CHRM3: variants seen among roughly 807,000 people sequenced by gnomAD.
CHRM3 encodes the protein muscarinic acetylcholine receptor M3.
In CHRM3, 11 loss-of-function variants were observed where a neutral mutation model predicts 41.8. The observed-to-expected ratio is 0.26, with a 90% CI of 0.17 to 0.44. The LOEUF (loss-of-function observed/expected upper bound fraction) is 0.44, where lower values mean the gene tolerates loss of function less well. Ranked by LOEUF, CHRM3 falls within the 20% of genes least tolerant of loss-of-function variation. The probability of loss-of-function intolerance (pLI) is 1.00; values close to 1 mark genes in which losing one functional copy is unlikely to be tolerated. For missense variants in CHRM3, 571 were observed against 745.4 expected, an observed-to-expected ratio of 0.77 and a Z score of 2.72; for synonymous variants, 297 against 301.4, an observed-to-expected ratio of 0.99 and a Z score of 0.15.
At chr1:239,534,386 A>G (rs1372012504) in intron 2 of CHRM3, among the ~76,000 whole-genome samples, 1 of 152,224 alleles carries the variant, frequency 6.6e-6, no homozygotes, top group African/African-American at 2.4e-5. Context: ...TTTAATTTTC[A>G]AAGCGTATTC....
At chr1:239,455,677 T>A (rs1664879557) in intron 1 of CHRM3, among the ~76,000 whole-genome samples, 2 of 152,220 alleles carry the variant, frequency 1.3e-5, no homozygotes, top group Non-Finnish European at 2.9e-5. Flanking sequence ...TTGTATCATG[T>A]GTTTGTGTTT....
Position 239,583,025 on chromosome 1 carries a change from C to T in CHRM3, c.-313+37276C>T, listed in dbSNP as rs139517603. On this transcript the variant is annotated intron_variant, in intron 3 of 6. Coordinates refer to ENST00000676153, the MANE Select transcript of CHRM3 (RefSeq NM_001375978.1). ...TGTGAGTGCTCACTCATACCTGTGCCTTCAATGCCAGCCACCATCTTCCTT... is the reference window on the plus strand; with the variant it reads ...TGTGAGTGCTCACTCATACCTGTGCTTTCAATGCCAGCCACCATCTTCCTT... 1.7e-4 allele frequency among the ~76,000 whole-genome samples: 26 copies of T among 152,288 alleles called. No individual in the cohort carries two copies. In the East Asian group the frequency reaches 5.0e-3, roughly 29 times the overall value.
At chr1:239,800,128 T>C (rs1172695381) in intron 5 of CHRM3, among the ~76,000 whole-genome samples, 4 of 152,104 alleles carry the variant, frequency 2.6e-5, no homozygotes, top group African/African-American at 9.7e-5. Context: ...AATAGGCAGG[T>C]GTGTGGGGAA....
chr1:239,481,357 T>A (rs1364527157), intron 1 of CHRM3, among the ~76,000 whole-genome samples: 2 of 152,224 alleles, frequency 1.3e-5, no homozygotes, highest in East Asian at 3.8e-4. Context: ...TACTGCACTT[T>A]ATTTATTTTT....
intron 2 of CHRM3, among the ~76,000 whole-genome samples, chr1:239,508,696 G>T (rs1437932089): frequency 6.6e-6 from 1 of 152,104 alleles, no homozygotes; most frequent in Admixed American, 6.6e-5. Flanking sequence ...TTGACATGGT[G>T]GGTGTTCAAC....
At chr1:239,403,970 G>A (rs1232150326) in intron 1 of CHRM3, among the ~76,000 whole-genome samples, 2 of 50,962 alleles carry the variant, frequency 3.9e-5, no homozygotes, top group African/African-American at 5.7e-5. Flanking sequence ...GGAGGGAGAG[G>A]GAGGGGGAGA....
chr1:239,487,374 C>T (rs945701858), intron 1 of CHRM3, among the ~76,000 whole-genome samples: 2 of 152,042 alleles, frequency 1.3e-5, no homozygotes, highest in African/African-American at 4.8e-5. Flanking sequence ...GAATTTAGTG[C>T]ATGGTCTACT....
intron 6 of CHRM3, among the ~76,000 whole-genome samples, chr1:239,838,979 T>C (rs906832892): frequency 2.0e-5 from 3 of 152,188 alleles, no homozygotes; most frequent in African/African-American, 7.2e-5. Context: ...AATTAAAGCA[T>C]GGATGGGGAT....
At chr1:239,486,052 A>G (rs140834066) in intron 1 of CHRM3, among the ~76,000 whole-genome samples, 79 of 152,268 alleles carry the variant, frequency 5.2e-4, no homozygotes, top group Middle Eastern at 6.8e-3. Flanking sequence ...CAGGAGAGAA[A>G]TTTGGTGTGC....
At chr1:239,664,416 C>T (rs962353133) in intron 4 of CHRM3, among the ~76,000 whole-genome samples, 8 of 152,184 alleles carry the variant, frequency 5.3e-5, no homozygotes, top group African/African-American at 1.9e-4. Flanking sequence ...TTCCTACATA[C>T]CTCTAAAATA....
chr1:239,462,274 A>C lies in CHRM3; in HGVS notation c.-520-30435A>C, dbSNP rs188861806. ...TTTGAACAGAAGTATTTTCCTTTTCATTATATAAATTTGGGAGCAAGTAGA... is the reference window on the plus strand; with the variant it reads ...TTTGAACAGAAGTATTTTCCTTTTCCTTATATAAATTTGGGAGCAAGTAGA... On this transcript the variant is annotated intron_variant, in intron 1 of 6. Transcript: ENST00000676153. 3.3e-5 allele frequency among the ~76,000 whole-genome samples: 5 copies of C among 152,262 alleles called. No homozygotes were observed. The East Asian group carries it at 7.7e-4, about 24-fold the overall frequency.
At position 239,441,149 on chromosome 1, in the gene CHRM3, C is replaced by T. The variant is rs186087846; in HGVS notation, c.-520-51560C>T. On this transcript the variant is annotated intron_variant, in intron 1 of 6. Transcript: ENST00000676153. ...AAACTATTGGCTATGATTTAAGGTA[C>T]GCATCATTATTTGCTGATGAATAGA... 3.8e-3 allele frequency among the ~76,000 whole-genome samples: 577 copies of T among 152,112 alleles called. 6 individuals carry two copies. The highest frequency in any genetic ancestry group is 0.013 in the African/African-American group (553 of 41,464).
intron 5 of CHRM3, among the ~76,000 whole-genome samples, chr1:239,688,281 A>G (rs575022186): frequency 2.6e-4 from 38 of 147,202 alleles, no homozygotes; most frequent in African/African-American, 8.1e-4. Flanking sequence ...ATACACATAT[A>G]TATGTATATG....
chr1:239,624,503 A>T (rs1464071158), intron 3 of CHRM3, among the ~76,000 whole-genome samples: 1 of 143,084 alleles, frequency 7.0e-6, no homozygotes, highest in Non-Finnish European at 1.5e-5. Context: ...CTTGAGTTTA[A>T]TTAGATCCCA....
chr1:239,719,345 A>C (rs900579410), intron 5 of CHRM3, among the ~76,000 whole-genome samples: 1 of 151,994 alleles, frequency 6.6e-6, no homozygotes, highest in African/African-American at 2.4e-5. Context: ...CCTTAATTGC[A>C]TTCAGGTAAA....
intron 4 of CHRM3, among the ~76,000 whole-genome samples, chr1:239,664,522 A>T (rs1398881949): frequency 2.0e-5 from 3 of 152,038 alleles, no homozygotes; most frequent in Non-Finnish European, 4.4e-5. Context: ...TGGAAACTTT[A>T]TTGTTTTTTC....
chr1:239,821,406 A>G (rs1009076663), intron 5 of CHRM3, among the ~76,000 whole-genome samples: 8 of 152,176 alleles, frequency 5.3e-5, no homozygotes, highest in Non-Finnish European at 7.4e-5. Flanking sequence ...TTACTTTGAC[A>G]TCAATGCTGG....
chr1:239,866,116 G>A (rs1161065567), intron 6 of CHRM3, among the ~76,000 whole-genome samples: 1 of 152,110 alleles, frequency 6.6e-6, no homozygotes, highest in Non-Finnish European at 1.5e-5. Context: ...GGTGGCTCAC[G>A]CCTGCAATCT....
chr1:239,604,425 C>T (rs1665994284), intron 3 of CHRM3, among the ~76,000 whole-genome samples: 1 of 152,066 alleles, frequency 6.6e-6, no homozygotes, highest in Non-Finnish European at 1.5e-5. Context: ...AATTCTTGAG[C>T]ACATTCTCAC....
Sources: gnomAD v4.1 joint callset for allele counts (sites outside exome capture counted in the v4.1 genomes callset) on GRCh38, gnomAD v4.1.1 for gene constraint, MANE v1.5 for transcripts, NCBI Gene and HGNC (gene_info 2026-07-23, HGNC 2026-07-21) for gene names.